The following TRIM24 variants were observed in gnomAD, a reference collection of about 807,000 sequenced individuals.
TRIM24 encodes the protein transcription intermediary factor 1-alpha.
TRIM24 carries 29 observed loss-of-function variants against 123.9 expected under a neutral mutation model. The observed-to-expected ratio is 0.23, with a 90% CI of 0.17 to 0.32. TRIM24 has a LOEUF of 0.32. TRIM24 is among the 10% of genes least tolerant of loss of function. The probability of loss-of-function intolerance (pLI) is 1.00; values close to 1 mark genes in which losing one functional copy is unlikely to be tolerated. For missense variants in TRIM24, 932 were observed against 1,295.3 expected (o/e 0.72, Z 4.31); for synonymous variants, 456 against 461.1 (o/e 0.99, Z 0.14).
In TRIM24 at chr7:138,571,424, G is replaced by A. The variant is rs551880319; in HGVS notation, c.1878+421G>A. On this transcript the variant is annotated intron_variant, in intron 11 of 18. Coordinates refer to ENST00000343526, the MANE Select transcript of TRIM24 (RefSeq NM_015905.3). ...ATTACAACAGTAGTAAAAATAAAAA[G>A]ATTATGAACATTGGACACATAATCT... Among the ~76,000 whole-genome samples the A allele has an allele frequency of 2.0e-5, 3 of 152,278 alleles. No individual in the cohort carries two copies. In the South Asian group the frequency reaches 6.2e-4, roughly 32 times the overall value.
chr7:138,568,077 A>G (rs1797571838), intron 10 of TRIM24, among the ~76,000 whole-genome samples: 1 of 152,142 alleles, frequency 6.6e-6, no homozygotes, highest in Non-Finnish European at 1.5e-5. Flanking sequence ...GATGAAGTTT[A>G]ATATTTAATT....
chr7:138,521,068 A>C (rs1796495368), intron 4 of TRIM24, among the ~76,000 whole-genome samples: 1 of 152,254 alleles, frequency 6.6e-6, no homozygotes, highest in Non-Finnish European at 1.5e-5. Flanking sequence ...AGTAACTTTC[A>C]AATCTAAAAT....
chr7:138,470,706 A>G (rs1209195879), intron 1 of TRIM24, among the ~76,000 whole-genome samples: 3 of 152,212 alleles, frequency 2.0e-5, no homozygotes, highest in African/African-American at 4.8e-5. Context: ...AGACAGTTCC[A>G]TTTAAGTCTG....
chr7:138,487,815 T>A (rs1795682147), intron 1 of TRIM24, among the ~76,000 whole-genome samples: 1 of 152,156 alleles, frequency 6.6e-6, no homozygotes, highest in South Asian at 2.1e-4. Flanking sequence ...TCTTTTTTTG[T>A]TGTGTCTCTG....
Position 138,492,273 on chromosome 7 carries a change from C to CAAAAA in TRIM24, c.365-11996_365-11992dup, listed in dbSNP as rs34380067. On this transcript the variant is annotated intron_variant, in intron 1 of 18. Transcript: ENST00000343526. The stretch of plus-strand genomic sequence containing the variant: ...GGGCAACAGGATAATACTCTGTCTC[C>CAAAAA]AAAAAAAAAAAAAAAAAAAAAAAAA... 2.6e-3 allele frequency among the ~76,000 whole-genome samples: 158 copies of CAAAAA among 59,986 alleles called. 2 individuals are homozygous for CAAAAA. The highest frequency in any genetic ancestry group is 0.012 in the Middle Eastern group (1 of 84). 39.4% of individuals were successfully genotyped at this position (59,986 alleles called of 152,430 possible).
intron 16 of TRIM24, 139 bp downstream of exon 16, chr7:138,580,833 A>T (rs879875762): frequency 3.9e-6 from 3 of 767,002 alleles, no homozygotes; most frequent in Non-Finnish European, 5.6e-6. Flanking sequence ...TTACAAAGGT[A>T]CATGAATCTT....
intron 9 of TRIM24, among the ~76,000 whole-genome samples, chr7:138,563,822 T>TC (rs1797477151): frequency 6.6e-6 from 1 of 152,340 alleles, no homozygotes; most frequent in South Asian, 2.1e-4. Context: ...TTTCCTGCCT[T>TC]CCTTTAGCCC....
At chr7:138,551,266 CT>C in intron 8 of TRIM24, 86 bp downstream of exon 8, 1 of 1,226,632 alleles carries the variant, frequency 8.2e-7, no homozygotes, top group Non-Finnish European at 1.2e-6. Context: ...AATATGTTCA[CT>C]TAGGCTGGGC....
intron 1 of TRIM24, among the ~76,000 whole-genome samples, chr7:138,477,823 G>C (rs1795437694): frequency 6.6e-6 from 1 of 152,146 alleles, no homozygotes; most frequent in African/African-American, 2.4e-5. Context: ...AAGGTTTGGA[G>C]CTGGATGAAG....
At chr7:138,474,418 C>T (rs1795353197) in intron 1 of TRIM24, among the ~76,000 whole-genome samples, 1 of 152,204 alleles carries the variant, frequency 6.6e-6, no homozygotes, top group Admixed American at 6.6e-5. Flanking sequence ...AGCCACCGCG[C>T]CCGGCCTATC....
Position 138,554,998 on chromosome 7 carries a change from G to T in TRIM24, c.1530+32G>T, listed in dbSNP as rs2116636690. ...TTGGAAGCAGGCCTGTCCTCACTTA[G>T]ATAATTATAGTATAATTGTGTTTAG... On this transcript the variant is annotated intron_variant, in intron 9 of 18. Transcript: ENST00000343526. The surrounding 1 kb of genome is among the most constrained non-coding windows in gnomAD (Gnocchi z 4.5). 1 of 1,600,434 alleles carries T rather than the reference G, an allele frequency of 6.2e-7. No individual in the cohort carries two copies. The highest frequency in any genetic ancestry group is 8.5e-7 in the Non-Finnish European group (1 of 1,170,692).
At chr7:138,574,333 G>A (rs961533970) in intron 12 of TRIM24, among the ~76,000 whole-genome samples, 4 of 152,162 alleles carry the variant, frequency 2.6e-5, no homozygotes, top group Admixed American at 6.5e-5. Flanking sequence ...TTCTGAGGAC[G>A]TAGGTACCTT....
At chr7:138,506,985 A>G (rs1796164895) in intron 2 of TRIM24, among the ~76,000 whole-genome samples, 1 of 152,000 alleles carries the variant, frequency 6.6e-6, no homozygotes, top group Non-Finnish European at 1.5e-5. Context: ...AAGGTGAGAG[A>G]TGTTTTACTG....
intron 1 of TRIM24, among the ~76,000 whole-genome samples, chr7:138,497,779 C>T (rs1795945766): frequency 3.3e-5 from 5 of 151,980 alleles, no homozygotes; most frequent in South Asian, 4.1e-4. Flanking sequence ...CAACCTCTGC[C>T]TCCTGGGCTT....
intron 13 of TRIM24, 47 bp downstream of exon 13, chr7:138,576,492 A>G: frequency 1.9e-6 from 3 of 1,558,072 alleles, no homozygotes; most frequent in Non-Finnish European, 2.7e-6. Flanking sequence ...ATCTCTAATT[A>G]GATTTCTTTT....
At position 138,573,560 on chromosome 7, in the gene TRIM24, T is replaced by C. The variant is rs1364347471; in HGVS notation, c.1932T>C (p.Asn644=). Residue 644 remains asparagine (N), a synonymous_variant, in exon 12 of 19, where the codon AAT becomes AAC. Transcript: ENST00000343526. ...MLDNIVRKDT[N]IDHGQPRPPS... is the part of the protein sequence containing the mutation. ...ACAATATTGTGAGGAAAGATACTAA[T>C]ATAGATCATGGCCAGCCAAGACCAC... The C allele has an allele frequency of 6.2e-7, 1 of 1,613,976 alleles. No homozygotes were observed. Among genetic ancestry groups the C allele is most frequent in the East Asian group, 2.2e-5 (1 of 44,872 alleles).
At chr7:138,570,699 T>C (rs755062391) in intron 10 of TRIM24, 131 bp from the exon 11 acceptor site, 146 of 868,022 alleles carry the variant, frequency 1.7e-4, no homozygotes, top group Middle Eastern at 3.1e-4. Context: ...GTGCAGTCTT[T>C]TGCTGTCCCA....
chr7:138,491,937 G>A (rs1795795067), intron 1 of TRIM24, among the ~76,000 whole-genome samples: 1 of 149,280 alleles, frequency 6.7e-6, no homozygotes, highest in Non-Finnish European at 1.5e-5. Context: ...CATTTCATGT[G>A]CTTGTTGGTT....
chr7:138,486,378 T>A (rs1266093178), intron 1 of TRIM24, among the ~76,000 whole-genome samples: 1 of 152,208 alleles, frequency 6.6e-6, no homozygotes, highest in African/African-American at 2.4e-5. Context: ...TTGTTGCCAT[T>A]GCTTTTGGTG....
Sources: gnomAD v4.1 joint callset for allele counts (sites outside exome capture counted in the v4.1 genomes callset) on GRCh38, gnomAD v4.1.1 for gene constraint, Gnocchi (gnomAD v3.1) non-coding constraint, MANE v1.5 for transcripts, NCBI Gene and HGNC (gene_info 2026-07-23, HGNC 2026-07-21) for gene names.